Variants in SLC9B1 observed in about 807,000 individuals in gnomAD.
SLC9B1 encodes solute carrier family 9 member B1.
SLC9B1 carries 32 observed loss-of-function variants against 51.7 expected under a neutral mutation model. The ratio of observed to expected loss-of-function variants is 0.62; its 90% CI spans 0.47 to 0.83. The LOEUF (loss-of-function observed/expected upper bound fraction) is 0.83. Among genes scored for constraint, SLC9B1 ranks in the 40% least tolerant of loss-of-function variants. SLC9B1 has a pLI of 0.00. For synonymous variants in SLC9B1, 145 were observed against 212.7 expected (o/e 0.68, Z 2.77); for missense variants, 406 against 613.2 (o/e 0.66, Z 3.57).
At chr4:102,971,593 G>A (rs181020533) in intron 3 of SLC9B1, among the ~76,000 whole-genome samples, 11 of 152,232 alleles carry the variant, frequency 7.2e-5, no homozygotes, top group Admixed American at 2.0e-4. Flanking sequence ...AGAAGCAAGA[G>A]CACACAAATT....
intron 11 of SLC9B1, among the ~76,000 whole-genome samples, chr4:102,893,541 T>C (rs576979734): frequency 6.6e-6 from 1 of 152,286 alleles, no homozygotes; most frequent in East Asian, 1.9e-4. Context: ...CCAATGTTAT[T>C]TAAAGTATCC....
intron 3 of SLC9B1, among the ~76,000 whole-genome samples, chr4:102,970,827 G>A (rs888221794): frequency 9.2e-5 from 14 of 152,020 alleles, no homozygotes; most frequent in African/African-American, 3.4e-4. Context: ...AAAATAGCAG[G>A]GGTTGCAATC....
At chr4:102,904,032 A>T (rs1282399479) in intron 11 of SLC9B1, among the ~76,000 whole-genome samples, 4 of 152,230 alleles carry the variant, frequency 2.6e-5, no homozygotes, top group Non-Finnish European at 4.4e-5. Context: ...AGTATTTTTT[A>T]AAAAATCAAT....
chr4:102,947,833 C>T (rs201300250), intron 4 of SLC9B1, among the ~76,000 whole-genome samples: 93 of 143,054 alleles, frequency 6.5e-4, no homozygotes, highest in Middle Eastern at 3.5e-3. Flanking sequence ...CAAAACATCA[C>T]CAAACTTCTA....
chr4:102,911,219 C>A (rs1001022086), intron 8 of SLC9B1, among the ~76,000 whole-genome samples: 2 of 152,060 alleles, frequency 1.3e-5, no homozygotes, highest in African/African-American at 4.8e-5. Context: ...TTTTGATATT[C>A]CTTATTTGCC....
intron 1 of SLC9B1, among the ~76,000 whole-genome samples, chr4:103,004,991 A>G (rs1740706172): frequency 6.6e-6 from 1 of 152,188 alleles, no homozygotes; most frequent in Non-Finnish European, 1.5e-5. Context: ...ACACTTAAAT[A>G]CATAGACCAT....
chr4:102,938,529 A>G (rs1218760336), intron 6 of SLC9B1, among the ~76,000 whole-genome samples: 1 of 152,208 alleles, frequency 6.6e-6, no homozygotes, highest in Non-Finnish European at 1.5e-5. Flanking sequence ...TGGACCTAAC[A>G]GCCATCTACA....
intron 3 of SLC9B1, among the ~76,000 whole-genome samples, chr4:102,969,946 T>TAA (rs201639901): frequency 6.8e-6 from 1 of 147,308 alleles, no homozygotes; most frequent in African/African-American, 2.5e-5. Context: ...AGAAAAAGAG[T>TAA]AAAAAAAAAC....
chr4:103,010,907 T>TC (rs777422404), intron 1 of SLC9B1, among the ~76,000 whole-genome samples: 2 of 152,134 alleles, frequency 1.3e-5, no homozygotes, highest in Non-Finnish European at 2.9e-5. Context: ...TTTTGCCCCT[T>TC]CCCCCACAAC....
chr4:102,927,091 A>G (rs1288198486), intron 7 of SLC9B1, among the ~76,000 whole-genome samples: 1 of 152,222 alleles, frequency 6.6e-6, no homozygotes, highest in African/African-American at 2.4e-5. Context: ...CCTTATACAA[A>G]AATTAATTCA....
chr4:102,946,123 G>A (rs570185529), intron 5 of SLC9B1, among the ~76,000 whole-genome samples: 1 of 152,220 alleles, frequency 6.6e-6, no homozygotes, highest in African/African-American at 2.4e-5. Context: ...CCATAGAAGA[G>A]CCTCCCAAAT....
intron 11 of SLC9B1, among the ~76,000 whole-genome samples, chr4:102,901,781 G>A (rs75622367): frequency 7.2e-5 from 11 of 152,234 alleles, no homozygotes; most frequent in African/African-American, 2.6e-4. Context: ...CCTATTCAGG[G>A]GGCACTGTGT....
intron 6 of SLC9B1, among the ~76,000 whole-genome samples, chr4:102,932,643 A>G (rs1218343258): frequency 6.6e-6 from 1 of 152,246 alleles, no homozygotes; most frequent in East Asian, 1.9e-4. Flanking sequence ...ATATCCCAGT[A>G]AGATAAGAGA....
chr4:102,918,039 G>T (rs1735670157), intron 7 of SLC9B1, among the ~76,000 whole-genome samples: 1 of 130,388 alleles, frequency 7.7e-6, no homozygotes, highest in Non-Finnish European at 1.5e-5. Context: ...CTGCACTCCA[G>T]CCTGGGCAAT....
intron 1 of SLC9B1, among the ~76,000 whole-genome samples, chr4:102,999,966 C>G (rs532820414): frequency 6.6e-6 from 1 of 152,152 alleles, no homozygotes; most frequent in African/African-American, 2.4e-5. Context: ...GAAGGAGAAG[C>G]AAGGACCCTC....
intron 1 of SLC9B1, chr4:103,016,657 T>A (rs1375882998): frequency 6.7e-6 from 1 of 150,250 alleles, no homozygotes; most frequent in Non-Finnish European, 1.5e-5. Context: ...GGTTTCTCCA[T>A]GTTGGTCAGG....
chr4:102,989,863 T>C lies in SLC9B1; in HGVS notation c.148A>G (p.Thr50Ala). Residue 50 changes from threonine to alanine, a missense_variant, in exon 3 of 12, where the codon ACA becomes GCA. By Grantham distance (58) the Thr-to-Ala change is moderately conservative. This residue lies in a region of SLC9B1 where 108 missense variants were observed against 94.5 expected (regional missense o/e 1.14). Coordinates refer to ENST00000296422, the MANE Select transcript of SLC9B1 (RefSeq NM_139173.4). ...LSDTEEIKPQTKKETYISCPL... is the reference protein window; with the variant it reads ...LSDTEEIKPQAKKETYISCPL... ...CAAGAAATGTATGTCTCCTTTTTTG[T>C]CTGTGGTTTTATTTCTTCTGTATCT... 6.2e-7 allele frequency: 1 copy of C among 1,603,842 alleles called. No homozygotes were observed. The highest frequency in any genetic ancestry group is 8.5e-7 in the Non-Finnish European group (1 of 1,172,798).
In SLC9B1 at chr4:102,910,561, G is replaced by A. The variant is rs1735289270; in HGVS notation, c.964C>T (p.Leu322Phe). The change falls in exon 9 of 12, where the codon CTT becomes TTT. Residue 322 changes from leucine to phenylalanine, a missense_variant. Physicochemically the swap from Leu to Phe is conservative, Grantham distance 22 (BLOSUM62 0). Around this residue, in one of 6 missense-constraint regions of SLC9B1, gnomAD observed 250 missense variants for 394.1 expected, o/e 0.63. Transcript: ENST00000296422. ...GCAGAAACACACATAGTCAAAACAA[G>A]GAATCCTCTCTTCAATGTAAGTTTT... Reference protein sequence around the residue: ...QKKLTLKRGFLVLTMCVSAVL... With the variant: ...QKKLTLKRGFFVLTMCVSAVL... 1 of 1,501,602 alleles carries A rather than the reference G, an allele frequency of 6.7e-7. No homozygotes were observed. Among genetic ancestry groups the A allele is most frequent in the East Asian group, 2.6e-5 (1 of 38,822 alleles). 93.0% of individuals were successfully genotyped at this position (1,501,602 alleles called of 1,614,324 possible). A position where few individuals can be genotyped will look rare whatever the true frequency, so the allele number is the denominator to read the frequency against.
intron 11 of SLC9B1, among the ~76,000 whole-genome samples, chr4:102,886,364 A>G (rs1328406672): frequency 6.6e-6 from 1 of 151,802 alleles, no homozygotes; most frequent in Non-Finnish European, 1.5e-5. Context: ...GGTGGCATGC[A>G]CCTGTAGTCC....
Sources: allele counts gnomAD v4.1 joint callset (sites outside exome capture counted in the v4.1 genomes callset), GRCh38; gene constraint gnomAD v4.1.1; regional missense constraint gnomAD v4.1.1; transcripts MANE v1.5; gene names NCBI Gene and HGNC (gene_info 2026-07-23, HGNC 2026-07-21).